Variants in CFAP90 observed in about 807,000 individuals in gnomAD.
CFAP90 encodes the protein cilia and flagella associated protein 90.
the CFAP90 span, among the ~76,000 whole-genome samples, chr5:7,840,140 A>C: frequency 0.019 from 2,962 of 152,328 alleles, 42 homozygotes; most frequent in Middle Eastern, 0.031. Context: ...TTTAAAAAAA[A>C]AGCAAAACAA....
the CFAP90 span, among the ~76,000 whole-genome samples, chr5:7,844,646 G>A: frequency 1.3e-5 from 2 of 152,216 alleles, no homozygotes; most frequent in South Asian, 2.1e-4. Flanking sequence ...ATGCAGAGAG[G>A]TCATAATTTC....
the CFAP90 span, among the ~76,000 whole-genome samples, chr5:7,847,617 A>G: frequency 1.3e-5 from 2 of 152,196 alleles, no homozygotes; most frequent in African/African-American, 4.8e-5. Flanking sequence ...GCAACTGGCC[A>G]GATTTGGCCA....
chr5:7,835,285 T>G, the CFAP90 span: 1 of 705,056 alleles, frequency 1.4e-6, no homozygotes, highest in Non-Finnish European at 2.4e-6. Context: ...ACAGTATCTA[T>G]GAAGCCTAAT....
chr5:7,831,682 G>C, the CFAP90 span: 1 of 596,518 alleles, frequency 1.7e-6, no homozygotes, highest in East Asian at 2.8e-5. Context: ...CAACCTGAGG[G>C]GGGCTGCTAA....
At chr5:7,832,896 T>C in the CFAP90 span, among the ~76,000 whole-genome samples, 4 of 152,326 alleles carry the variant, frequency 2.6e-5, no homozygotes, top group African/African-American at 9.6e-5. Flanking sequence ...ACAATAACTT[T>C]GCATCAACTT....
At chr5:7,847,006 C>T in the CFAP90 span, among the ~76,000 whole-genome samples, 2 of 152,156 alleles carry the variant, frequency 1.3e-5, no homozygotes, top group African/African-American at 2.4e-5. Context: ...TCCTCAGTCT[C>T]CTAAAATAGA....
the CFAP90 span, among the ~76,000 whole-genome samples, chr5:7,849,411 C>T: frequency 2.0e-5 from 3 of 152,156 alleles, no homozygotes; most frequent in African/African-American, 7.2e-5. Context: ...CCCCTAGACA[C>T]CTGGCTAATC....
chr5:7,834,166 G>A, the CFAP90 span, among the ~76,000 whole-genome samples: 1 of 152,114 alleles, frequency 6.6e-6, no homozygotes, highest in South Asian at 2.1e-4. Flanking sequence ...CATGCGTGTT[G>A]CGTGACGTCG....
chr5:7,844,102 T>C, the CFAP90 span, among the ~76,000 whole-genome samples: 3 of 152,180 alleles, frequency 2.0e-5, no homozygotes, highest in Non-Finnish European at 4.4e-5. Context: ...CAAGGGAAAC[T>C]GGGCCTTGGG....
At chr5:7,840,842 C>T in the CFAP90 span, among the ~76,000 whole-genome samples, 1,952 of 152,210 alleles carry the variant, frequency 0.013, 35 homozygotes, top group East Asian at 0.064. Context: ...GAAATTTGGA[C>T]ATGAACATTC....
the CFAP90 span, among the ~76,000 whole-genome samples, chr5:7,840,699 T>C: frequency 6.6e-6 from 1 of 152,096 alleles, no homozygotes; most frequent in Non-Finnish European, 1.5e-5. Context: ...CATGTTGAAG[T>C]CCTAATCCCC....
chr5:7,841,256 C>T, the CFAP90 span, among the ~76,000 whole-genome samples: 22 of 152,066 alleles, frequency 1.4e-4, no homozygotes, highest in African/African-American at 3.9e-4. Context: ...ATTAGAGAAA[C>T]GCAAATCAAA....
At chr5:7,833,227 G>C in the CFAP90 span, among the ~76,000 whole-genome samples, 4 of 152,116 alleles carry the variant, frequency 2.6e-5, no homozygotes, top group Non-Finnish European at 5.9e-5. Flanking sequence ...GCTGCATAAA[G>C]AAAATTACAT....
chr5:7,837,208 C>G, the CFAP90 span, among the ~76,000 whole-genome samples: 1 of 152,026 alleles, frequency 6.6e-6, no homozygotes, highest in Non-Finnish European at 1.5e-5. Flanking sequence ...TCCATTTTAT[C>G]ATCCCAACTT....
chr5:7,835,414 C>T, the CFAP90 span: 2 of 1,603,484 alleles, frequency 1.2e-6, no homozygotes, highest in Non-Finnish European at 8.5e-7. Flanking sequence ...AGGCTTTTTG[C>T]ATGTTCTCTG....
the CFAP90 span, chr5:7,831,799 A>G: frequency 6.4e-7 from 1 of 1,557,314 alleles, no homozygotes; most frequent in Non-Finnish European, 8.8e-7. Context: ...CGCTGTGCAA[A>G]CTTGCCAGGC....
the CFAP90 span, among the ~76,000 whole-genome samples, chr5:7,833,630 T>G: frequency 6.6e-6 from 1 of 152,120 alleles, no homozygotes; most frequent in Non-Finnish European, 1.5e-5. Flanking sequence ...TGTACACACA[T>G]ATATACATAC....
At chr5:7,848,866 G>C in the CFAP90 span, among the ~76,000 whole-genome samples, 1 of 152,114 alleles carries the variant, frequency 6.6e-6, no homozygotes, top group Non-Finnish European at 1.5e-5. Context: ...ATCTCCTTCT[G>C]CCATGATTAT....
At chr5:7,833,043 A>AGAC in the CFAP90 span, among the ~76,000 whole-genome samples, 1 of 152,244 alleles carries the variant, frequency 6.6e-6, no homozygotes, top group East Asian at 1.9e-4. Flanking sequence ...GGTTAAGCAG[A>AGAC]GACTTGTTTT....
Sources: gnomAD v4.1 joint callset for allele counts (sites outside exome capture counted in the v4.1 genomes callset) on GRCh38, gnomAD v4.1.1 for gene constraint, MANE v1.5 for transcripts, NCBI Gene and HGNC (gene_info 2026-07-23, HGNC 2026-07-21) for gene names.